The following DPYS variants were observed in gnomAD, a reference collection of about 807,000 sequenced individuals.
The protein encoded by DPYS is dihydropyrimidine amidohydrolase.
DPYS carries 39 observed loss-of-function variants against 50.3 expected under a neutral mutation model. That is an observed-to-expected ratio of 0.78 (90% confidence interval 0.60 to 1.01). DPYS has a LOEUF of 1.01. Ranked by LOEUF, DPYS falls within the 50% of genes least tolerant of loss-of-function variation. The pLI is 0.00. For missense variants in DPYS, 659 were observed against 680.9 expected (o/e 0.97, Z 0.36); for synonymous variants, 245 against 250.7 (o/e 0.98, Z 0.22).
In DPYS at chr8:104,429,570, C is replaced by T. The variant is rs370701356; in HGVS notation, c.925G>A (p.Asp309Asn). The stretch of plus-strand genomic sequence containing the variant: ...TTAGCCAACAGATTCATGAGGAAGT[C>T]GGGTGTTGAGGGGTCTGGTCGCAAA... ...PPLRPDPSTP[D>N]FLMNLLANDD... Residue 309 changes from aspartate to asparagine, a missense_variant, in exon 5 of 10, where the codon GAC (aspartate) becomes AAC (asparagine). Asp to Asn is a conservative substitution (Grantham distance 23). Coordinates refer to ENST00000351513, the MANE Select transcript of DPYS (RefSeq NM_001385.3). 6.2e-6 allele frequency: 10 copies of T among 1,613,908 alleles called. No homozygotes were observed. Among genetic ancestry groups the T allele is most frequent in the Non-Finnish European group, 5.9e-6 (7 of 1,180,004 alleles).
At chr8:104,461,245 T>G (rs968957023) in intron 1 of DPYS, among the ~76,000 whole-genome samples, 1 of 150,430 alleles carries the variant, frequency 6.6e-6, no homozygotes, top group South Asian at 2.1e-4. Context: ...GTGAGCTGGA[T>G]TGCACCACTG....
chr8:104,399,427 T>C (rs1811714311), intron 7 of DPYS, among the ~76,000 whole-genome samples: 1 of 151,758 alleles, frequency 6.6e-6, no homozygotes, highest in Admixed American at 6.6e-5. Context: ...GCAGGCATCA[T>C]GTATCTTTTG....
At chr8:104,389,487 T>C (rs57874414) in intron 8 of DPYS, among the ~76,000 whole-genome samples, 1 of 152,308 alleles carries the variant, frequency 6.6e-6, no homozygotes, top group East Asian at 1.9e-4. Flanking sequence ...CAACATTTTT[T>C]GAATAAGGCA....
At chr8:104,461,802 A>G (rs574992393) in intron 1 of DPYS, among the ~76,000 whole-genome samples, 7 of 152,176 alleles carry the variant, frequency 4.6e-5, no homozygotes, top group Non-Finnish European at 1.0e-4. Context: ...CGAGACTCAG[A>G]GATCATTATC....
At chr8:104,421,780 T>C (rs548942379) in intron 7 of DPYS, among the ~76,000 whole-genome samples, 1 of 152,002 alleles carries the variant, frequency 6.6e-6, no homozygotes, top group East Asian at 1.9e-4. Flanking sequence ...AGGTAATATA[T>C]ATAGATCTTT....
intron 7 of DPYS, among the ~76,000 whole-genome samples, chr8:104,418,367 C>G (rs778844545): frequency 1.3e-5 from 2 of 152,080 alleles, no homozygotes; most frequent in African/African-American, 4.8e-5. Flanking sequence ...CTGCACATTA[C>G]CAGCCTGCAT....
intron 2 of DPYS, among the ~76,000 whole-genome samples, chr8:104,449,725 G>C (rs1813665600): frequency 6.6e-6 from 1 of 152,190 alleles, no homozygotes; most frequent in Non-Finnish European, 1.5e-5. Flanking sequence ...GCAGAGATTG[G>C]GATGATGCTT....
At chr8:104,464,191 A>T (rs2140784463) in intron 1 of DPYS, among the ~76,000 whole-genome samples, 1 of 152,360 alleles carries the variant, frequency 6.6e-6, no homozygotes, top group Non-Finnish European at 1.5e-5. Context: ...TTAGAGGATC[A>T]GCTGGTGGAT....
intron 1 of DPYS, among the ~76,000 whole-genome samples, chr8:104,454,516 TC>T (rs1813860476): frequency 6.6e-6 from 1 of 152,168 alleles, no homozygotes; most frequent in Non-Finnish European, 1.5e-5. Context: ...GTGGATTCTA[TC>T]TCCACAAAAC....
chr8:104,381,141 A>G, intron 9 of DPYS, 43 bp downstream of exon 9: 2 of 1,497,700 alleles, frequency 1.3e-6, no homozygotes, highest in South Asian at 2.3e-5. Flanking sequence ...CTAATTTCAT[A>G]TGCTGTCATG....
intron 7 of DPYS, chr8:104,419,414 CAA>C (rs1276383644): frequency 6.6e-6 from 1 of 152,136 alleles, no homozygotes; most frequent in Admixed American, 6.5e-5. Context: ...TCAATTAAAA[CAA>C]AAATCGAGAG....
chr8:104,447,527 C>A, intron 2 of DPYS, 24 bp from the exon 3 acceptor site: 2 of 1,611,702 alleles, frequency 1.2e-6, no homozygotes, highest in Non-Finnish European at 1.7e-6. Flanking sequence ...GCAACCATAA[C>A]AACAATATGT....
At chr8:104,400,385 A>C (rs1811755050) in intron 7 of DPYS, among the ~76,000 whole-genome samples, 1 of 152,232 alleles carries the variant, frequency 6.6e-6, no homozygotes, top group South Asian at 2.1e-4. Context: ...ATGTGGGGAG[A>C]TGTTATCACT....
chr8:104,397,248 G>A (rs1317472), intron 7 of DPYS, among the ~76,000 whole-genome samples: 102,033 of 152,114 alleles, frequency 0.67, 35,858 homozygotes, highest in Middle Eastern at 0.82. Flanking sequence ...ATTTTCCTCC[G>A]TCGTTTAGCA....
At chr8:104,452,187 A>C (rs1180571373) in intron 1 of DPYS, among the ~76,000 whole-genome samples, 2 of 152,256 alleles carry the variant, frequency 1.3e-5, no homozygotes, top group Non-Finnish European at 2.9e-5. Context: ...CCCTTAGCAC[A>C]TTATATTACA....
chr8:104,381,199 CA>C lies in DPYS; in HGVS notation c.1558del (p.Ter520GlufsTer45). ...TAGTRKQAHP* is the reference protein window; with the variant it reads ...TAGTRKQAHPX The stretch of plus-strand genomic sequence containing the variant: ...AGTCCCTTACCGATGGCACACACTT[CA>C]GGGGTGGGCCTGTTTCCTGGTCCCT... On this transcript the variant is annotated frameshift_variant and stop_lost, in exon 9 of 10. Coordinates refer to ENST00000351513, the MANE Select transcript of DPYS (RefSeq NM_001385.3). LOFTEE classifies it high-confidence loss of function. The C allele has an allele frequency of 6.2e-7, 1 of 1,613,800 alleles. No homozygotes were observed. The highest frequency in any genetic ancestry group is 2.2e-5 in the East Asian group (1 of 44,880).
chr8:104,463,324 C>T (rs1814236741), intron 1 of DPYS, among the ~76,000 whole-genome samples: 1 of 152,156 alleles, frequency 6.6e-6, no homozygotes, highest in South Asian at 2.1e-4. Flanking sequence ...CCTTAACTGC[C>T]TCTAGCTTTA....
chr8:104,391,697 C>T (rs1018731932), intron 8 of DPYS, among the ~76,000 whole-genome samples: 2 of 152,100 alleles, frequency 1.3e-5, no homozygotes, highest in African/African-American at 2.4e-5. Flanking sequence ...AGCAAAGAGA[C>T]AAAAGTGACA....
chr8:104,402,592 G>A (rs959633200), intron 7 of DPYS, among the ~76,000 whole-genome samples: 11 of 152,174 alleles, frequency 7.2e-5, no homozygotes, highest in African/African-American at 2.7e-4. Flanking sequence ...TCTTTGGCAA[G>A]CTGACATTGC....
Sources: allele counts gnomAD v4.1 joint callset (sites outside exome capture counted in the v4.1 genomes callset), GRCh38; gene constraint gnomAD v4.1.1; transcripts MANE v1.5; gene names NCBI Gene and HGNC (gene_info 2026-07-23, HGNC 2026-07-21).